Variants in LRP1B observed in about 807,000 individuals in gnomAD.
LRP1B encodes the protein LDL receptor related protein 1B.
In LRP1B, 217 loss-of-function variants were observed where a neutral mutation model predicts 556.6. That is an observed-to-expected ratio of 0.39 (90% confidence interval 0.35 to 0.44). The LOEUF (loss-of-function observed/expected upper bound fraction) is 0.44. Among genes scored for constraint, LRP1B ranks in the 20% least tolerant of loss-of-function variants. The pLI is 1.00. For synonymous variants in LRP1B, 2,047 were observed against 1,865.8 expected (o/e 1.10, Z -2.50); for missense variants, 5,053 against 5,620.8 (o/e 0.90, Z 3.23).
chr2:141,671,545 G>A (rs554570218), intron 2 of LRP1B, among the ~76,000 whole-genome samples: 1 of 152,270 alleles, frequency 6.6e-6, no homozygotes, highest in African/African-American at 2.4e-5. Context: ...ACCTGACAAT[G>A]GCTAAGGGTG....
At chr2:141,467,130 A>C (rs1473634174) in intron 3 of LRP1B, among the ~76,000 whole-genome samples, 2 of 18,210 alleles carry the variant, frequency 1.1e-4, no homozygotes, top group African/African-American at 2.1e-4. Flanking sequence ...ATATCTATAT[A>C]TATATATATA....
In LRP1B at chr2:140,676,105, C is replaced by G. The variant is rs573684661; in HGVS notation, c.6799+24145G>C. On this transcript the variant is annotated intron_variant, in intron 41 of 90. Transcript: ENST00000389484. ...AAATGTAAAACTAAGTACTTATTTT[C>G]ACATAAACAATAGCCAGTGTTACTG... Among the ~76,000 whole-genome samples, 28 of 152,230 alleles carry G rather than the reference C, an allele frequency of 1.8e-4. No individual in the cohort carries two copies. The East Asian group carries it at 5.4e-3, about 29-fold the overall frequency.
At chr2:141,826,354 G>GTTTTT (rs70994454) in intron 1 of LRP1B, among the ~76,000 whole-genome samples, 28 of 97,086 alleles carry the variant, frequency 2.9e-4, no homozygotes, top group African/African-American at 5.4e-4. Context: ...CTTTTCAGAA[G>GTTTTT]TTTTTTTTTT....
intron 1 of LRP1B, among the ~76,000 whole-genome samples, chr2:142,059,945 A>G (rs935994431): frequency 6.6e-6 from 1 of 152,114 alleles, no homozygotes; most frequent in Non-Finnish European, 1.5e-5. Context: ...TGCCTTAACC[A>G]CATTTATAAA....
chr2:140,511,582 T>G (rs1689663568), intron 51 of LRP1B, among the ~76,000 whole-genome samples: 1 of 152,144 alleles, frequency 6.6e-6, no homozygotes, highest in Non-Finnish European at 1.5e-5. Flanking sequence ...GTTACAGGCG[T>G]GAGCCACCGC....
intron 66 of LRP1B, among the ~76,000 whole-genome samples, chr2:140,397,094 A>T (rs1684287513): frequency 6.6e-6 from 1 of 152,194 alleles, no homozygotes; most frequent in South Asian, 2.1e-4. Context: ...AGACCTCTAG[A>T]GTGTTTTAAA....
chr2:141,285,959 T>C (rs1456602639), intron 3 of LRP1B, among the ~76,000 whole-genome samples: 2 of 142,534 alleles, frequency 1.4e-5, no homozygotes, highest in African/African-American at 5.2e-5. Flanking sequence ...CCCAGCTACT[T>C]GGGAGGCTGA....
chr2:141,983,084 G>A (rs112758597), intron 1 of LRP1B, among the ~76,000 whole-genome samples: 4 of 152,280 alleles, frequency 2.6e-5, no homozygotes, highest in African/African-American at 9.6e-5. Context: ...GCAAAATAAT[G>A]TAGAACATTT....
chr2:142,015,195 T>G (rs1449053925), intron 1 of LRP1B, among the ~76,000 whole-genome samples: 1 of 151,626 alleles, frequency 6.6e-6, no homozygotes, highest in Non-Finnish European at 1.5e-5. Context: ...TAAGAAAGAG[T>G]AAGTATGTCC....
chr2:140,928,486 G>T (rs1385806300), intron 20 of LRP1B, among the ~76,000 whole-genome samples: 1 of 152,110 alleles, frequency 6.6e-6, no homozygotes, highest in African/African-American at 2.4e-5. Flanking sequence ...TTTGCAGTTG[G>T]CAGGCGAGAG....
Position 141,814,017 on chromosome 2 carries a change from T to C in LRP1B, c.83-3616A>G, listed in dbSNP as rs562289435. ...GACACAGGACAGTGTAAAGAACCAA[T>C]TGGAGGCAGAAGTGAAGGCTTGGCC... On this transcript the variant is annotated intron_variant, in intron 1 of 90. Coordinates refer to ENST00000389484, the MANE Select transcript of LRP1B (RefSeq NM_018557.3). Among the ~76,000 whole-genome samples, 3 of 152,140 alleles carry C rather than the reference T, an allele frequency of 2.0e-5. No homozygotes were observed. The South Asian group carries it at 6.2e-4, about 32-fold the overall frequency.
intron 2 of LRP1B, among the ~76,000 whole-genome samples, chr2:141,649,149 A>G (rs1363616436): frequency 1.3e-5 from 2 of 152,156 alleles, no homozygotes; most frequent in African/African-American, 4.8e-5. Context: ...ACTGCAGGTC[A>G]CTGATAGCTT....
At chr2:141,681,339 G>C (rs1449412126) in intron 2 of LRP1B, among the ~76,000 whole-genome samples, 1 of 150,762 alleles carries the variant, frequency 6.6e-6, no homozygotes, top group Non-Finnish European at 1.5e-5. Flanking sequence ...GAATTTTCTT[G>C]GTAAATAAAA....
At chr2:141,698,736 GAA>G (rs969699976) in intron 2 of LRP1B, among the ~76,000 whole-genome samples, 1 of 141,382 alleles carries the variant, frequency 7.1e-6, no homozygotes. Context: ...TTTCAGAACG[GAA>G]AAAAAAAAAG....
chr2:140,256,883 C>T (rs1039352941), intron 86 of LRP1B, among the ~76,000 whole-genome samples: 16 of 149,992 alleles, frequency 1.1e-4, no homozygotes, highest in Non-Finnish European at 1.5e-4. Flanking sequence ...TAGTTTAACT[C>T]GGCTGATAAA....
intron 31 of LRP1B, among the ~76,000 whole-genome samples, chr2:140,815,865 CTCTTT>C (rs1691101771): frequency 4.5e-5 from 3 of 66,456 alleles, no homozygotes; most frequent in Non-Finnish European, 4.1e-5. Flanking sequence ...AATGTTGTCT[CTCTTT>C]TTTTTTTTTT....
At chr2:140,366,297 C>T (rs750784004) in intron 71 of LRP1B, among the ~76,000 whole-genome samples, 1 of 151,622 alleles carries the variant, frequency 6.6e-6, no homozygotes, top group Non-Finnish European at 1.5e-5. Flanking sequence ...GGAGAGTGAG[C>T]ACATAAACAT....
chr2:140,325,673 CAAAGT>C (rs1368107859), intron 80 of LRP1B, 84 bp downstream of exon 80: 27 of 818,070 alleles, frequency 3.3e-5, no homozygotes, highest in African/African-American at 7.1e-5. Context: ...ATCCAGAATG[CAAAGT>C]AAAGTATCCA....
At chr2:141,746,176 C>A (rs553906241) in intron 2 of LRP1B, among the ~76,000 whole-genome samples, 2 of 152,182 alleles carry the variant, frequency 1.3e-5, no homozygotes, top group African/African-American at 4.8e-5. Flanking sequence ...AGCGTGCCCC[C>A]AAGTCCACTG....
Sources: allele counts gnomAD v4.1 joint callset (sites outside exome capture counted in the v4.1 genomes callset), GRCh38; gene constraint gnomAD v4.1.1; transcripts MANE v1.5; gene names NCBI Gene and HGNC (gene_info 2026-07-23, HGNC 2026-07-21).